Variants in FAM81A observed in about 807,000 individuals in gnomAD.
FAM81A encodes the protein protein FAM81A.
FAM81A carries 19 observed loss-of-function variants against 46.7 expected under a neutral mutation model. That is an observed-to-expected ratio of 0.41 (90% CI 0.28 to 0.60). FAM81A has a LOEUF of 0.60. FAM81A is among the 20% of genes least tolerant of loss of function. The pLI is 0.34. For synonymous variants in FAM81A, 183 were observed against 152.9 expected, an observed-to-expected ratio of 1.20 and a Z score of -1.45; for missense variants, 377 against 453.5, an observed-to-expected ratio of 0.83 and a Z score of 1.53.
chr15:59,415,238 C>T (rs1009933901), intron 2 of FAM81A, among the ~76,000 whole-genome samples: 3 of 152,098 alleles, frequency 2.0e-5, no homozygotes, highest in African/African-American at 7.2e-5. Context: ...CCTGCCTCAG[C>T]CTCCCGAGTA....
At chr15:59,412,502 G>A (rs2081125692) in intron 2 of FAM81A, among the ~76,000 whole-genome samples, 1 of 152,128 alleles carries the variant, frequency 6.6e-6, no homozygotes, top group South Asian at 2.1e-4. Context: ...GAGGCTGGTG[G>A]ATCTCTTGAG....
At chr15:59,504,472 A>T (rs1332146915) in intron 4 of FAM81A, among the ~76,000 whole-genome samples, 2 of 152,210 alleles carry the variant, frequency 1.3e-5, no homozygotes, top group African/African-American at 4.8e-5. Flanking sequence ...TACATTCTAG[A>T]ACAGTTGTTG....
intron 2 of FAM81A, among the ~76,000 whole-genome samples, chr15:59,459,141 T>A (rs1373366877): frequency 2.0e-5 from 3 of 152,088 alleles, no homozygotes; most frequent in African/African-American, 7.2e-5. Flanking sequence ...ACTATAGTTA[T>A]GTGCCACCAT....
intron 6 of FAM81A, among the ~76,000 whole-genome samples, chr15:59,509,930 A>G (rs2082187385): frequency 6.6e-6 from 1 of 152,200 alleles, no homozygotes; most frequent in Non-Finnish European, 1.5e-5. Flanking sequence ...CACAAATAGA[A>G]GGAGACAGAG....
chr15:59,413,095 A>G (rs116541033), intron 2 of FAM81A, among the ~76,000 whole-genome samples: 2,995 of 152,090 alleles, frequency 0.02, 93 homozygotes, highest in African/African-American at 0.069. Context: ...ACACAAGGCC[A>G]CTCAGGTGAA....
intron 4 of FAM81A, among the ~76,000 whole-genome samples, chr15:59,501,039 G>A (rs756725276): frequency 4.6e-5 from 7 of 151,232 alleles, no homozygotes; most frequent in African/African-American, 9.7e-5. Context: ...GTTTTTTTCC[G>A]CCTGAGTATA....
At chr15:59,468,842 T>C (rs2081649093) in intron 3 of FAM81A, among the ~76,000 whole-genome samples, 1 of 152,246 alleles carries the variant, frequency 6.6e-6, no homozygotes, top group Non-Finnish European at 1.5e-5. Context: ...CTTTCTCTTG[T>C]GGGCATTTAG....
intron 1 of FAM81A, chr15:59,445,480 T>G (rs1276596784): frequency 1.3e-5 from 2 of 151,972 alleles, no homozygotes; most frequent in Non-Finnish European, 2.9e-5. Flanking sequence ...AACTCAAGAG[T>G]CCTCCCCTGC....
intron 3 of FAM81A, among the ~76,000 whole-genome samples, chr15:59,461,592 A>T (rs2081552188): frequency 6.6e-6 from 1 of 152,152 alleles, no homozygotes; most frequent in Non-Finnish European, 1.5e-5. Context: ...AAGTGCTGGG[A>T]TTACAGATGT....
At chr15:59,435,235 C>T (rs1296741625), upstream of FAM81A, among the ~76,000 whole-genome samples, 3 of 151,844 alleles carry the variant, frequency 2.0e-5, no homozygotes, top group Non-Finnish European at 4.4e-5. Context: ...TGCAGTGAGC[C>T]GAGATCACGC....
rs932153479 is a variant in FAM81A at position 59,511,775 on chromosome 15, C to T, written c.651-2514C>T. On this transcript the variant is annotated intron_variant, in intron 6 of 8. Coordinates refer to ENST00000288228, the MANE Select transcript of FAM81A (RefSeq NM_152450.3). Reference sequence around the variant, plus strand: ...CAGCGATTCTCCTGCCTCAGCCTCCCGAGTAGCTGGGACTACAGGCACGTG... The same window carrying T: ...CAGCGATTCTCCTGCCTCAGCCTCCTGAGTAGCTGGGACTACAGGCACGTG... 4.6e-5 allele frequency among the ~76,000 whole-genome samples: 7 copies of T among 152,216 alleles called. No individual in the cohort carries two copies. The East Asian group carries it at 1.4e-3, about 29-fold the overall frequency.
intron 6 of FAM81A, among the ~76,000 whole-genome samples, chr15:59,511,626 G>A (rs1316838055): frequency 1.3e-5 from 2 of 152,130 alleles, no homozygotes; most frequent in Non-Finnish European, 2.9e-5. Flanking sequence ...CTATGTATCA[G>A]TATTTTTGTA....
At chr15:59,417,149 A>T (rs529021620) in intron 2 of FAM81A, among the ~76,000 whole-genome samples, 1 of 152,148 alleles carries the variant, frequency 6.6e-6, no homozygotes, top group Non-Finnish European at 1.5e-5. Flanking sequence ...GAGGGATGCT[A>T]TAGATAGAAA....
chr15:59,428,413 ATATTATTAT>A (rs143696862), intron 2 of FAM81A, among the ~76,000 whole-genome samples: 30,427 of 140,454 alleles, frequency 0.22, 3,795 homozygotes, highest in South Asian at 0.3. Flanking sequence ...ATTCTTTTTG[ATATTATTAT>A]TATTATTATT....
chr15:59,431,345 C>T (rs2081219055), intron 2 of FAM81A, among the ~76,000 whole-genome samples: 1 of 152,124 alleles, frequency 6.6e-6, no homozygotes, highest in African/African-American at 2.4e-5. Flanking sequence ...AGCGATTCTC[C>T]TGCCTCAGCC....
chr15:59,401,486 C>T, intron 1 of FAM81A: 1 of 758,922 alleles, frequency 1.3e-6, no homozygotes. Flanking sequence ...GCCCATTGGC[C>T]TGATGAATCT....
rs541238263 is a variant in FAM81A, at chr15:59,501,413, A to G, written c.414-5800A>G. On this transcript the variant is annotated intron_variant, in intron 4 of 8. Transcript: ENST00000288228. ...AATGCCCTGGGACATAAATTGTCGTATAGTCTGATGGTACTATAATTAAAT... is the reference window on the plus strand; with the variant it reads ...AATGCCCTGGGACATAAATTGTCGTGTAGTCTGATGGTACTATAATTAAAT... Among the ~76,000 whole-genome samples, 63 of 152,326 alleles carry G rather than the reference A, an allele frequency of 4.1e-4. No individual in the cohort carries two copies. The South Asian group carries it at 8.1e-3, about 20-fold the overall frequency.
At chr15:59,434,239 C>T (rs757198021), upstream of FAM81A, among the ~76,000 whole-genome samples, 3 of 152,172 alleles carry the variant, frequency 2.0e-5, no homozygotes, top group Non-Finnish European at 4.4e-5. Context: ...CAGTGCAAAA[C>T]GATGCATTGT....
intron 3 of FAM81A, among the ~76,000 whole-genome samples, chr15:59,487,236 T>A (rs995259657): frequency 2.1e-5 from 3 of 145,746 alleles, no homozygotes; most frequent in Non-Finnish European, 4.5e-5. Context: ...ATATATATAT[T>A]ATATATATAT....
Sources: allele counts gnomAD v4.1 joint callset (sites outside exome capture counted in the v4.1 genomes callset), GRCh38; gene constraint gnomAD v4.1.1; transcripts MANE v1.5; gene names NCBI Gene and HGNC (gene_info 2026-07-23, HGNC 2026-07-21).